The following ZDHHC11B variants were observed in gnomAD, a reference collection of about 807,000 sequenced individuals.
ZDHHC11B encodes the protein zDHHC palmitoyltransferase 11B (putative).
ZDHHC11B carries 17 observed loss-of-function variants against 42.3 expected under a neutral mutation model. The ratio of observed to expected loss-of-function variants is 0.40; its 90% confidence interval spans 0.27 to 0.60. The LOEUF (loss-of-function observed/expected upper bound fraction) is 0.60. Ranked by LOEUF, ZDHHC11B falls within the 20% of genes least tolerant of loss-of-function variation. The pLI is 0.41. For missense variants in ZDHHC11B, 262 were observed against 463.2 expected (o/e 0.57, Z 3.99); for synonymous variants, 123 against 193.5 (o/e 0.64, Z 3.02).
chr5:752,705 C>T lies in ZDHHC11B; in HGVS notation c.504-1448G>A, dbSNP rs1246545880. ...TCCAGGGGTGAGGGGTGGCTCCGGG[C>T]GTGAGCGGCTCCCTGACTGCTGCTC... On this transcript the variant is annotated intron_variant, in intron 6 of 13. Transcript: ENST00000508859. Among the ~76,000 whole-genome samples the T allele has an allele frequency of 2.1e-5, 2 of 93,562 alleles. 1 individual carries two copies. Among genetic ancestry groups the T allele is most frequent in the Non-Finnish European group, 5.1e-5 (2 of 39,446 alleles). 61.4% of individuals were successfully genotyped at this position (93,562 alleles called of 152,430 possible).
chr5:764,032 G>C (rs1350653739), intron 4 of ZDHHC11B, among the ~76,000 whole-genome samples: 1 of 151,968 alleles, frequency 6.6e-6, no homozygotes, highest in South Asian at 2.1e-4. Flanking sequence ...GAGAGACATG[G>C]CCTTGCCCAT....
chr5:762,932 GA>G (rs1400130968), intron 4 of ZDHHC11B, among the ~76,000 whole-genome samples: 1 of 151,770 alleles, frequency 6.6e-6, no homozygotes, highest in Non-Finnish European at 1.5e-5. Context: ...GAAGAGGTAG[GA>G]AGACACAAAT....
In ZDHHC11B at chr5:748,560, C is replaced by A. The variant is rs1272888772; in HGVS notation, c.629-1G>T. The A allele has an allele frequency of 4.4e-6, 6 of 1,362,534 alleles. No homozygotes were observed. The highest frequency in any genetic ancestry group is 5.9e-6 in the Non-Finnish European group (6 of 1,024,198). The allele number at this position is 1,362,534 out of a possible 1,614,324, so 84.4% of individuals were successfully genotyped here. ...AGCCACGTGTTCATATTCTTGACAT[C>A]TGGGGAGACAAGGGAGAGACACTGT... On this transcript the variant is annotated splice_acceptor_variant, in intron 7 of 13. Coordinates refer to ENST00000508859, the MANE Select transcript of ZDHHC11B (RefSeq NM_001351303.2). LOFTEE classifies it high-confidence loss of function.
chr5:761,780 C>T (rs1174322062), intron 4 of ZDHHC11B, among the ~76,000 whole-genome samples: 5 of 151,826 alleles, frequency 3.3e-5, no homozygotes, highest in Non-Finnish European at 7.4e-5. Flanking sequence ...TCCCTAAATC[C>T]CTTAGGATTG....
intron 4 of ZDHHC11B, among the ~76,000 whole-genome samples, chr5:759,569 G>T (rs1234804169): frequency 3.9e-5 from 6 of 151,994 alleles, no homozygotes. Context: ...CCACACAACA[G>T]GCCCTACAGA....
intron 4 of ZDHHC11B, among the ~76,000 whole-genome samples, chr5:764,253 G>A (rs6881974): frequency 0.013 from 1,943 of 151,608 alleles, 78 homozygotes; most frequent in African/African-American, 0.044. Context: ...GCTCACTCTC[G>A]GCACCTCCTC....
intron 11 of ZDHHC11B, among the ~76,000 whole-genome samples, chr5:731,529 A>C (rs1743017343): frequency 6.6e-6 from 1 of 151,150 alleles, no homozygotes; most frequent in Non-Finnish European, 1.5e-5. Flanking sequence ...GCCTTGGTGA[A>C]GAACGTGTTC....
rs1741396283 is a variant in ZDHHC11B, at chr5:711,764, C to G, written c.*526G>C. 1 of 156,298 alleles carries G rather than the reference C, an allele frequency of 6.4e-6. No homozygotes were observed. The highest frequency in any genetic ancestry group is 1.4e-5 in the Non-Finnish European group (1 of 70,158). The allele number at this position is 156,298 out of a possible 1,614,324, so 9.7% of individuals were successfully genotyped here. On this transcript the variant is annotated 3_prime_UTR_variant, in exon 14 of 14. Coordinates refer to ENST00000508859, the MANE Select transcript of ZDHHC11B (RefSeq NM_001351303.2). ...AGCACTGTGCTCCCATTTCCCATTA[C>G]TGTGCTCCCATTTCCCAGCACTGTG...
chr5:765,983 C>T (rs1300201372), intron 4 of ZDHHC11B, among the ~76,000 whole-genome samples: 1 of 151,872 alleles, frequency 6.6e-6, no homozygotes, highest in Non-Finnish European at 1.5e-5. Flanking sequence ...GTTCCAGTGC[C>T]CCAAGGCACC....
chr5:735,683 T>A (rs1398622121), intron 10 of ZDHHC11B, among the ~76,000 whole-genome samples: 4 of 146,436 alleles, frequency 2.7e-5, no homozygotes, highest in Non-Finnish European at 4.5e-5. Context: ...AGCAAAATAA[T>A]TAACAGCCAA....
At chr5:763,596 G>A (rs1734907080) in intron 4 of ZDHHC11B, among the ~76,000 whole-genome samples, 1 of 151,760 alleles carries the variant, frequency 6.6e-6, no homozygotes, top group African/African-American at 2.4e-5. Context: ...AAAGGCCTGG[G>A]AGCAAAACGG....
At chr5:778,280 C>T (rs1736708126) in intron 1 of ZDHHC11B, among the ~76,000 whole-genome samples, 1 of 151,712 alleles carries the variant, frequency 6.6e-6, no homozygotes, top group African/African-American at 2.4e-5. Context: ...CTCATCCCAT[C>T]AACCATGTCG....
At chr5:728,067 G>A (rs544985719) in intron 12 of ZDHHC11B, among the ~76,000 whole-genome samples, 13 of 150,928 alleles carry the variant, frequency 8.6e-5, no homozygotes, top group Admixed American at 6.0e-4. Context: ...ACTTAATATC[G>A]ACAATACAAA....
chr5:763,187 G>A (rs1734842733), intron 4 of ZDHHC11B, among the ~76,000 whole-genome samples: 1 of 151,674 alleles, frequency 6.6e-6, no homozygotes. Flanking sequence ...GGCCAATATG[G>A]TGAAATCCTG....
chr5:718,777 G>A lies in ZDHHC11B; in HGVS notation c.1059-1912C>T, dbSNP rs1265820507. Among the ~76,000 whole-genome samples the A allele has an allele frequency of 1.5e-4, 23 of 151,576 alleles. 1 individual carries two copies. The highest frequency in any genetic ancestry group is 2.1e-4 in the Non-Finnish European group (14 of 67,962). The stretch of plus-strand genomic sequence containing the variant: ...GAATGGTGTACATGAGCCAGCTACC[G>A]CCTCGATTTCTTAGTCTTCCTGTGG... On this transcript the variant is annotated intron_variant, in intron 12 of 13. Coordinates refer to ENST00000508859, the MANE Select transcript of ZDHHC11B (RefSeq NM_001351303.2).
At chr5:715,096 T>G (rs1281717188) in intron 13 of ZDHHC11B, among the ~76,000 whole-genome samples, 1 of 150,166 alleles carries the variant, frequency 6.7e-6, no homozygotes, top group Non-Finnish European at 1.5e-5. Flanking sequence ...ATCAGAATCA[T>G]AAGCCAAATA....
chr5:750,524 A>C lies in ZDHHC11B; in HGVS notation c.628+609T>G, dbSNP rs572761144. Reference sequence around the variant, plus strand: ...CCAGCATGACCCTCCCACCTCAGATATTAAGTCACAGCCGCAGGCCCATTT... The same window carrying C: ...CCAGCATGACCCTCCCACCTCAGATCTTAAGTCACAGCCGCAGGCCCATTT... On this transcript the variant is annotated intron_variant, in intron 7 of 13. Coordinates refer to ENST00000508859, the MANE Select transcript of ZDHHC11B (RefSeq NM_001351303.2). 3.8e-5 allele frequency among the ~76,000 whole-genome samples: 5 copies of C among 130,380 alleles called. 1 individual carries two copies. Among genetic ancestry groups the C allele is most frequent in the African/African-American group, 1.0e-4 (4 of 39,858 alleles). The allele number at this position is 130,380 out of a possible 152,430, so 85.5% of individuals were successfully genotyped here. A position where few individuals can be genotyped will look rare whatever the true frequency, so the allele number is the denominator to read the frequency against.
intron 10 of ZDHHC11B, among the ~76,000 whole-genome samples, chr5:741,386 T>C (rs1670354040): frequency 6.7e-6 from 1 of 148,342 alleles, no homozygotes; most frequent in Non-Finnish European, 1.5e-5. Context: ...AAGAATGTAG[T>C]TTCTGCAAGT....
At chr5:773,663 C>A (rs1278895998) in intron 1 of ZDHHC11B, among the ~76,000 whole-genome samples, 1 of 151,872 alleles carries the variant, frequency 6.6e-6, no homozygotes, top group South Asian at 2.1e-4. Flanking sequence ...CCCAGCCCTG[C>A]CCCGACCCAG....
Sources: gnomAD v4.1 joint callset for allele counts (sites outside exome capture counted in the v4.1 genomes callset) on GRCh38, gnomAD v4.1.1 for gene constraint, MANE v1.5 for transcripts, NCBI Gene and HGNC (gene_info 2026-07-23, HGNC 2026-07-21) for gene names.